Variants in RELA observed in about 807,000 individuals in gnomAD.
RELA encodes transcription factor p65.
Under a neutral mutation model 56.7 loss-of-function variants are expected in RELA, and 14 were observed. The observed-to-expected ratio is 0.25, with a 90% CI of 0.16 to 0.39. The LOEUF is 0.39. Among genes scored for constraint, RELA ranks in the 10% least tolerant of loss-of-function variants. The pLI is 1.00. For synonymous variants in RELA, 315 were observed against 289.7 expected, an observed-to-expected ratio of 1.09 and a Z score of -0.89; for missense variants, 559 against 736.4, an observed-to-expected ratio of 0.76 and a Z score of 2.79.
rs751480962 is a variant in RELA at position 65,654,666 on chromosome 11, G to A, written c.1368C>T (p.Asn456=). 7 of 1,563,554 alleles carry A rather than the reference G, an allele frequency of 4.5e-6. No individual in the cohort carries two copies. In the Middle Eastern group the frequency reaches 5.2e-4, roughly 116 times the overall value. ...DDEDLGALLG[N]STDPAVFTDL... is the part of the protein sequence containing the mutation. ...CTGTGAACACAGCTGGGTCTGTGCT[G>A]TTGCCAAGCAAGGCCCCCAGGTCTT... The change falls in exon 11 of 11, where the codon AAC becomes AAT. Residue 456 remains asparagine (N), a synonymous_variant. Coordinates refer to ENST00000406246, the MANE Select transcript of RELA (RefSeq NM_021975.4).
chr11:65,659,588 C>G (rs1856511893), intron 6 of RELA, 78 bp downstream of exon 6: 1 of 1,566,796 alleles, frequency 6.4e-7, no homozygotes. Context: ...GCGCCTCTTG[C>G]AGGCCACACT....
At position 65,654,888 on chromosome 11, in the gene RELA, G is replaced by C; in HGVS notation, c.1146C>G (p.Ala382=). 5 of 1,582,838 alleles carry C rather than the reference G, an allele frequency of 3.2e-6. No homozygotes were observed. The highest frequency in any genetic ancestry group is 4.3e-6 in the Non-Finnish European group (5 of 1,164,090). The change falls in exon 11 of 11, where the codon GCC becomes GCG. Residue 382 remains alanine, a synonymous_variant. Transcript: ENST00000406246. Reference sequence around the variant, plus strand: ...GAGCCTGGGGCAGGACTTGGGGAGGGGCCGGGGCCAAGGCCGAGGCCTGGC... The same window carrying C: ...GAGCCTGGGGCAGGACTTGGGGAGGCGCCGGGGCCAAGGCCGAGGCCTGGC... The part of the protein sequence containing the change: ...QISQASALAP[A]PPQVLPQAPA...
In RELA at chr11:65,658,656, C is replaced by T. The variant is rs1049530127; in HGVS notation, c.664+62G>A. 2.0e-6 allele frequency: 3 copies of T among 1,506,814 alleles called. No homozygotes were observed. Among genetic ancestry groups the T allele is most frequent in the African/African-American group, 2.7e-5 (2 of 72,866 alleles). The allele number at this position is 1,506,814 out of a possible 1,614,324, so 93.3% of individuals were successfully genotyped here. A position where few individuals can be genotyped will look rare whatever the true frequency, so the allele number is the denominator to read the frequency against. ...ATCCAAAGCCAGTTACCTGACACTC[C>T]ACTTCTCTGCTCAGCTTCACCCCTT... On this transcript the variant is annotated intron_variant, in intron 7 of 10. Transcript: ENST00000406246. This position sits in a 1 kb window ranked among gnomAD's most constrained non-coding sequence, Gnocchi z 4.5.
Position 65,654,990 on chromosome 11 carries a change from G to A in RELA, c.1044C>T (p.Pro348=). 6.3e-7 allele frequency: 1 copy of A among 1,598,096 alleles called. No individual in the cohort carries two copies. The highest frequency in any genetic ancestry group is 8.5e-7 in the Non-Finnish European group (1 of 1,173,172). Reference sequence around the variant, plus strand: ...TGCTCAGGGATGACGTAAAGGGATAGGGCTGGGGTGCTGGAGGAGAGAGAC... The same window carrying A: ...TGCTCAGGGATGACGTAAAGGGATAAGGCTGGGGTGCTGGAGGAGAGAGAC... ...SASVPKPAPQ[P]YPFTSSLSTI... Residue 348 remains proline, a synonymous_variant, in exon 11 of 11, where the codon CCC becomes CCT. Transcript: ENST00000406246.
At chr11:65,662,262 G>T (rs1030197070) in intron 1 of RELA, 57 bp from the exon 2 acceptor site, 34 of 1,483,424 alleles carry the variant, frequency 2.3e-5, no homozygotes, top group Non-Finnish European at 2.8e-5. Flanking sequence ...CTCACAAGGA[G>T]GAATCTGCTC....
chr11:65,655,726 G>A lies in RELA; in HGVS notation c.995C>T (p.Ala332Val), dbSNP rs1856406960. ...AGAAGCTGAGCTGCGGGAAGGCACA[G>A]CAATGCGTCGAGGTGGAGGCCGGGG... ...TDPRPPPRRI[A>V]VPSRSSASVP... The change falls in exon 10 of 11, where the codon GCT becomes GTT. Residue 332 changes from alanine to valine, a missense_variant. By Grantham distance (64) the Ala-to-Val change is moderately conservative. This residue lies in a region of RELA where 365 missense variants were observed against 387.5 expected (regional missense o/e 0.94). Transcript: ENST00000406246. The A allele has an allele frequency of 6.2e-7, 1 of 1,613,984 alleles. No homozygotes were observed. The highest frequency in any genetic ancestry group is 1.1e-5 in the South Asian group (1 of 91,084).
At position 65,661,989 on chromosome 11, in the gene RELA, C is replaced by T. The variant is rs764030082; in HGVS notation, c.134G>A (p.Ser45Asn). 6.2e-7 allele frequency: 1 copy of T among 1,613,816 alleles called. No homozygotes were observed. Among genetic ancestry groups the T allele is most frequent in the Non-Finnish European group, 8.5e-7 (1 of 1,179,966 alleles). ...ATCTGTGCTCCTCTCGCCTGGGATG[C>T]TGCCCGCGGAGCGCCCCTCGCACTT... The part of the protein sequence containing the change: ...RYKCEGRSAG[S>N]IPGERSTDTT... Residue 45 changes from serine (S) to asparagine (N), a missense_variant, in exon 3 of 11, where the codon AGC becomes AAC. By Grantham distance (46) the Ser-to-Asn change is conservative. Coordinates refer to ENST00000406246, the MANE Select transcript of RELA (RefSeq NM_021975.4).
chr11:65,656,879 G>C (rs182059630), intron 8 of RELA, among the ~76,000 whole-genome samples: 3 of 152,240 alleles, frequency 2.0e-5, no homozygotes, highest in East Asian at 3.9e-4. Flanking sequence ...CAAAAAATTA[G>C]CCGGATGTGG....
chr11:65,660,362 G>A lies in RELA; in HGVS notation c.336-147C>T, dbSNP rs550976568. The A allele has an allele frequency of 9.2e-4, 637 of 689,996 alleles. 3 individuals carry two copies. Among genetic ancestry groups the A allele is most frequent in the South Asian group, 3.9e-4 (22 of 56,802 alleles). 42.7% of individuals were successfully genotyped at this position (689,996 alleles called of 1,614,324 possible). On this transcript the variant is annotated intron_variant, in intron 4 of 10. Transcript: ENST00000406246. ...CAGTGGCTTCCTACTGTGCTGCAAC[G>A]AACCCTGTCCCTTCACTCAGCTGAC...
At position 65,654,761 on chromosome 11, in the gene RELA, C is replaced by T. The variant is rs1856375276; in HGVS notation, c.1273G>A (p.Ala425Thr). Residue 425 changes from alanine (A) to threonine (T), a missense_variant, in exon 11 of 11, where the codon GCC becomes ACC. By Grantham distance (58) the Ala-to-Thr change is moderately conservative. Coordinates refer to ENST00000406246, the MANE Select transcript of RELA (RefSeq NM_021975.4). ...TCCCCAGCCTGGGTGGGCTTGGGGG[C>T]AGGTGGGGCCACAGCCTGAGGAGGG... ...PGPPQAVAPP[A>T]PKPTQAGEGT... 1 of 1,503,346 alleles carries T rather than the reference C, an allele frequency of 6.7e-7. No individual in the cohort carries two copies. 93.1% of individuals were successfully genotyped at this position (1,503,346 alleles called of 1,614,324 possible). A position where few individuals can be genotyped will look rare whatever the true frequency, so the allele number is the denominator to read the frequency against.
Position 65,658,839 on chromosome 11 carries a change from A to G in RELA, c.560-17T>C, listed in dbSNP as rs1856493511. The G allele has an allele frequency of 1.9e-6, 3 of 1,611,066 alleles. No homozygotes were observed. Among genetic ancestry groups the G allele is most frequent in the African/African-American group, 1.3e-5 (1 of 74,894 alleles). On this transcript the variant is annotated splice_polypyrimidine_tract_variant and intron_variant, in intron 6 of 10. Coordinates refer to ENST00000406246, the MANE Select transcript of RELA (RefSeq NM_021975.4). The surrounding 1 kb of genome is among the most constrained non-coding windows in gnomAD (Gnocchi z 4.5). Reference sequence around the variant, plus strand: ...TGGGGGCACCTGAGGCAGTGAAAACAAGGGAGGATGACCTGAGCCACGAGA... The same window carrying G: ...TGGGGGCACCTGAGGCAGTGAAAACGAGGGAGGATGACCTGAGCCACGAGA...
chr11:65,663,838 G>C (rs1446753426), upstream of RELA, among the ~76,000 whole-genome samples: 1 of 151,606 alleles, frequency 6.6e-6, no homozygotes. Context: ...CCAAGCCCAA[G>C]GCGCGTCCGT....
At chr11:65,659,563 TTGAA>T in intron 6 of RELA, 99 bp downstream of exon 6, 1 of 1,413,138 alleles carries the variant, frequency 7.1e-7, no homozygotes, top group East Asian at 2.3e-5. Context: ...CGCAAGATGA[TTGAA>T]TGAAGCCAGA....
In RELA at chr11:65,654,809, G is replaced by T; in HGVS notation, c.1225C>A (p.Pro409Thr). Reference protein sequence around the residue: ...MVSALAQAPAPVPVLAPGPPQ... With the variant: ...MVSALAQAPATVPVLAPGPPQ... ...GGGCCTGGGGCTAGGACTGGGACAG[G>T]GGCTGGGGCCTGGGCCAGAGCTGAT... The change falls in exon 11 of 11, where the codon CCT (proline) becomes ACT (threonine). Residue 409 changes from proline (P) to threonine (T), a missense_variant. Physicochemically the swap from Pro to Thr is conservative, Grantham distance 38. Coordinates refer to ENST00000406246, the MANE Select transcript of RELA (RefSeq NM_021975.4). 6.5e-7 allele frequency: 1 copy of T among 1,534,846 alleles called. No individual in the cohort carries two copies. Among genetic ancestry groups the T allele is most frequent in the Non-Finnish European group, 8.8e-7 (1 of 1,138,098 alleles).
At position 65,658,356 on chromosome 11, in the gene RELA, T is replaced by C; in HGVS notation, c.808A>G (p.Met270Val). ...CGGTCGGAAGGCCGCCGCAGCTGCA[T>C]GGAGACACGCACAGGAGCCTGCAGG... Reference protein sequence around the residue: ...PSLQAPVRVSMQLRRPSDREL... With the variant: ...PSLQAPVRVSVQLRRPSDREL... Residue 270 changes from methionine (M) to valine (V), a missense_variant, in exon 8 of 11, where the codon ATG becomes GTG. Transcript: ENST00000406246. This position sits in a 1 kb window ranked among gnomAD's most constrained non-coding sequence, Gnocchi z 4.5. 1 of 1,613,652 alleles carries C rather than the reference T, an allele frequency of 6.2e-7. No homozygotes were observed. Among genetic ancestry groups the C allele is most frequent in the Non-Finnish European group, 8.5e-7 (1 of 1,179,876 alleles).
chr11:65,658,978 C>T lies in RELA; in HGVS notation c.560-156G>A, dbSNP rs1856496985. 6.6e-6 allele frequency among the ~76,000 whole-genome samples: 1 copy of T among 152,208 alleles called. No individual in the cohort carries two copies. The highest frequency in any genetic ancestry group is 1.5e-5 in the Non-Finnish European group (1 of 68,040). ...CCAAAGTCAGACCTTCTTATTAGCTCCTCACCCCAACCGATTCAACAAGTA... is the reference window on the plus strand; with the variant it reads ...CCAAAGTCAGACCTTCTTATTAGCTTCTCACCCCAACCGATTCAACAAGTA... On this transcript the variant is annotated intron_variant, in intron 6 of 10. Coordinates refer to ENST00000406246, the MANE Select transcript of RELA (RefSeq NM_021975.4). This position sits in a 1 kb window ranked among gnomAD's most constrained non-coding sequence, Gnocchi z 4.5.
intron 6 of RELA, among the ~76,000 whole-genome samples, 180 bp from the exon 7 acceptor site, chr11:65,659,002 T>C (rs1856497773): frequency 6.6e-6 from 1 of 152,086 alleles, no homozygotes; most frequent in African/African-American, 2.4e-5. Context: ...ATTCAACAAG[T>C]ATTTGCCTAC....
At chr11:65,660,982 T>C (rs901495319) in intron 4 of RELA, among the ~76,000 whole-genome samples, 1 of 143,458 alleles carries the variant, frequency 7.0e-6, no homozygotes, top group African/African-American at 2.6e-5. Flanking sequence ...GAGGTTGCAG[T>C]GAGCTGAGAT....
In RELA at chr11:65,654,208, G is replaced by A. The variant is rs1856355024; in HGVS notation, c.*170C>T. 2.4e-6 allele frequency: 2 copies of A among 846,764 alleles called. No individual in the cohort carries two copies. The highest frequency in any genetic ancestry group is 1.4e-5 in the South Asian group (1 of 69,534). 52.5% of individuals were successfully genotyped at this position (846,764 alleles called of 1,614,324 possible). A position where few individuals can be genotyped will look rare whatever the true frequency, so the allele number is the denominator to read the frequency against. ...CTGCTTAAGCACCTCCAAAAAGAGA[G>A]AGAGATACAGATACTGACAATAAAA... is the stretch of plus-strand genomic sequence containing the variant. On this transcript the variant is annotated 3_prime_UTR_variant, in exon 11 of 11. Transcript: ENST00000406246.
Sources: gnomAD v4.1 joint callset for allele counts (sites outside exome capture counted in the v4.1 genomes callset) on GRCh38, gnomAD v4.1.1 for gene constraint, gnomAD v4.1.1 regional missense constraint, Gnocchi (gnomAD v3.1) non-coding constraint, MANE v1.5 for transcripts, NCBI Gene and HGNC (gene_info 2026-07-23, HGNC 2026-07-21) for gene names.